OXR1: variants seen among roughly 807,000 people sequenced by gnomAD.
The protein encoded by OXR1 is oxidation resistance protein 1.
OXR1 carries 41 observed loss-of-function variants against 104.6 expected under a neutral mutation model. The observed-to-expected ratio is 0.39, with a 90% confidence interval of 0.31 to 0.51. The LOEUF is 0.51. Ranked by LOEUF, OXR1 falls within the 20% of genes least tolerant of loss-of-function variation. The pLI, the probability that OXR1 is intolerant of heterozygous loss-of-function variation, is 0.77. For synonymous variants in OXR1, 348 were observed against 348.4 expected (o/e 1.00, Z 0.01); for missense variants, 955 against 1,031.9 (o/e 0.93, Z 1.02).
At chr8:106,627,776 ATAGTGG>A (rs767347512) in intron 3 of OXR1, among the ~76,000 whole-genome samples, 6 of 152,320 alleles carry the variant, frequency 3.9e-5, no homozygotes, top group Admixed American at 1.3e-4. Flanking sequence ...GGTGGGATTC[ATAGTGG>A]AAAGCATTAA....
chr8:106,742,679 C>T (rs1336629271), intron 15 of OXR1, among the ~76,000 whole-genome samples: 1 of 152,036 alleles, frequency 6.6e-6, no homozygotes, highest in African/African-American at 2.4e-5. Flanking sequence ...ACAAACCTGA[C>T]AAAAATAAGC....
chr8:106,589,339 C>T (rs1028848270), intron 3 of OXR1, among the ~76,000 whole-genome samples: 1 of 111,316 alleles, frequency 9.0e-6, no homozygotes, highest in Non-Finnish European at 1.8e-5. Flanking sequence ...GGCCCTGGAG[C>T]CTTTTTTTTT....
chr8:106,735,186 A>G (rs1834256410), intron 11 of OXR1, among the ~76,000 whole-genome samples: 1 of 151,284 alleles, frequency 6.6e-6, no homozygotes, highest in South Asian at 2.1e-4. Flanking sequence ...TCAAATTCAA[A>G]TCTCTTTTTT....
At chr8:106,345,255 A>G (rs1174252947) in intron 1 of OXR1, among the ~76,000 whole-genome samples, 1 of 152,232 alleles carries the variant, frequency 6.6e-6, no homozygotes, top group Non-Finnish European at 1.5e-5. Flanking sequence ...GTGAATGAAT[A>G]ACATAAGAGA....
chr8:106,285,557 G>A (rs572656810), intron 1 of OXR1, among the ~76,000 whole-genome samples: 1 of 152,018 alleles, frequency 6.6e-6, no homozygotes, highest in African/African-American at 2.4e-5. Context: ...TTCATGTGAA[G>A]CAAAGACAGC....
chr8:106,742,380 A>G lies in OXR1; in HGVS notation c.2412+63A>G, dbSNP rs28924690. 3 of 900,814 alleles carry G rather than the reference A, an allele frequency of 3.3e-6. No individual in the cohort carries two copies. In the Admixed American group the frequency reaches 5.9e-5, roughly 18 times the overall value. 55.8% of individuals were successfully genotyped at this position (900,814 alleles called of 1,614,324 possible). On this transcript the variant is annotated intron_variant, in intron 15 of 16. Coordinates refer to ENST00000517566, the MANE Select transcript of OXR1 (RefSeq NM_001198533.2). ...TTGACATAACATACTGCCCAAAGCA[A>G]TTTATAGATTCAGTGCTATTCCCAT...
At chr8:106,328,127 T>C (rs901131645) in intron 1 of OXR1, among the ~76,000 whole-genome samples, 6 of 152,176 alleles carry the variant, frequency 3.9e-5, no homozygotes, top group African/African-American at 1.2e-4. Flanking sequence ...TGGCAGCAAA[T>C]TGGCCCCTGT....
Position 106,706,104 on chromosome 8 carries a change from G to A in OXR1, c.861-278G>A, listed in dbSNP as rs776941. On this transcript the variant is annotated intron_variant, in intron 8 of 16. Coordinates refer to ENST00000517566, the MANE Select transcript of OXR1 (RefSeq NM_001198533.2). Reference sequence around the variant, plus strand: ...TTATGTCATCAAGTTCCCTTCAAGTGGATTACTTGCAAGGAAATCTTACTT... The same window carrying A: ...TTATGTCATCAAGTTCCCTTCAAGTAGATTACTTGCAAGGAAATCTTACTT... Among the ~76,000 whole-genome samples, 91,956 of 151,846 alleles carry A rather than the reference G, an allele frequency of 0.61. 28,690 individuals are homozygous for A. The highest frequency in any genetic ancestry group is 0.76 in the African/African-American group (31,593 of 41,454).
intron 3 of OXR1, among the ~76,000 whole-genome samples, chr8:106,537,684 A>AAAGAAGAAGAAG (rs60476908): frequency 6.6e-6 from 1 of 150,730 alleles, no homozygotes; most frequent in Non-Finnish European, 1.5e-5. Context: ...AGTATTTTAA[A>AAAGAAGAAGAAG]AAGAAGAAGA....
chr8:106,560,739 C>T (rs1823799), intron 3 of OXR1, among the ~76,000 whole-genome samples: 8 of 151,958 alleles, frequency 5.3e-5, no homozygotes, highest in East Asian at 1.9e-4. Context: ...AATAGGAACA[C>T]GTCTGGTCTG....
At chr8:106,602,044 G>A (rs533393699) in intron 3 of OXR1, among the ~76,000 whole-genome samples, 1 of 152,200 alleles carries the variant, frequency 6.6e-6, no homozygotes, top group African/African-American at 2.4e-5. Flanking sequence ...TCCTACAACC[G>A]AAAGGAAATG....
chr8:106,576,202 C>A lies in OXR1; in HGVS notation c.220+57063C>A, dbSNP rs138050441. Among the ~76,000 whole-genome samples the A allele has an allele frequency of 1.8e-4, 28 of 151,680 alleles. No homozygotes were observed. The East Asian group carries it at 5.4e-3, about 29-fold the overall frequency. ...AGAGGGAAAGCTGGATATAACTTTG[C>A]AGATAGAATTTAATTACAAATATGG... On this transcript the variant is annotated intron_variant, in intron 3 of 16. Coordinates refer to ENST00000517566, the MANE Select transcript of OXR1 (RefSeq NM_001198533.2).
At chr8:106,298,424 A>C (rs1813094285) in intron 1 of OXR1, among the ~76,000 whole-genome samples, 2 of 152,162 alleles carry the variant, frequency 1.3e-5, no homozygotes, top group African/African-American at 4.8e-5. Flanking sequence ...AGCACAGGAA[A>C]AACCCGTCCC....
chr8:106,580,131 C>A (rs762322527), intron 3 of OXR1, among the ~76,000 whole-genome samples: 9 of 152,218 alleles, frequency 5.9e-5, no homozygotes, highest in Non-Finnish European at 8.8e-5. Context: ...ACCATCTTAG[C>A]CATCTTTAAG....
intron 1 of OXR1, among the ~76,000 whole-genome samples, chr8:106,327,140 G>A (rs544249992): frequency 6.6e-6 from 1 of 152,084 alleles, no homozygotes; most frequent in South Asian, 2.1e-4. Flanking sequence ...GCTATATTCA[G>A]TTTGAATGCC....
intron 3 of OXR1, among the ~76,000 whole-genome samples, chr8:106,523,167 A>C (rs867028601): frequency 6.6e-6 from 1 of 152,200 alleles, no homozygotes; most frequent in South Asian, 2.1e-4. Context: ...CTTCAAGTAA[A>C]GAACTTCACA....
At chr8:106,315,039 G>GTT (rs36033766) in intron 1 of OXR1, among the ~76,000 whole-genome samples, 1 of 148,532 alleles carries the variant, frequency 6.7e-6, no homozygotes, top group African/African-American at 2.5e-5. Flanking sequence ...CAGAGGTTTA[G>GTT]TTTTTTTTTT....
chr8:106,663,387 T>G (rs927702839), intron 3 of OXR1, among the ~76,000 whole-genome samples: 1 of 152,182 alleles, frequency 6.6e-6, no homozygotes, highest in African/African-American at 2.4e-5. Flanking sequence ...TAGTTAAGAT[T>G]GTAAAGGATA....
intron 3 of OXR1, among the ~76,000 whole-genome samples, chr8:106,604,116 G>A (rs1820181839): frequency 6.6e-6 from 1 of 151,996 alleles, no homozygotes; most frequent in Non-Finnish European, 1.5e-5. Context: ...GGATTAAATG[G>A]GAAAACTTTT....
Sources: allele counts gnomAD v4.1 joint callset (sites outside exome capture counted in the v4.1 genomes callset), GRCh38; gene constraint gnomAD v4.1.1; transcripts MANE v1.5; gene names NCBI Gene and HGNC (gene_info 2026-07-23, HGNC 2026-07-21).